ARID1B: variants seen among roughly 807,000 people sequenced by gnomAD.
ARID1B encodes the protein AT-rich interactive domain-containing protein 1B.
In ARID1B, 30 loss-of-function variants were observed where a neutral mutation model predicts 212.3. The ratio of observed to expected loss-of-function variants is 0.14; its 90% CI spans 0.11 to 0.19. ARID1B has a LOEUF of 0.19. ARID1B is among the 10% of genes least tolerant of loss of function. ARID1B has a pLI of 1.00. For missense variants in ARID1B, 2,891 were observed against 3,204.0 expected, an observed-to-expected ratio of 0.90 and a Z score of 2.36; for synonymous variants, 1,402 against 1,301.7, an observed-to-expected ratio of 1.08 and a Z score of -1.66.
chr6:156,787,831 T>G (rs1424913946), intron 1 of ARID1B, among the ~76,000 whole-genome samples: 1 of 152,144 alleles, frequency 6.6e-6, no homozygotes, highest in African/African-American at 2.4e-5. Context: ...GGTAAGATCA[T>G]GGGCTTGGAG....
intron 4 of ARID1B, among the ~76,000 whole-genome samples, chr6:157,037,843 A>G (rs879021697): frequency 2.6e-5 from 4 of 152,170 alleles, no homozygotes; most frequent in African/African-American, 9.7e-5. Flanking sequence ...AGGACTGGCA[A>G]CCGCAGTGTG....
At chr6:156,910,491 C>T (rs1789783079) in intron 3 of ARID1B, among the ~76,000 whole-genome samples, 1 of 152,050 alleles carries the variant, frequency 6.6e-6, no homozygotes, top group Admixed American at 6.5e-5. Flanking sequence ...TTTCCCTGTT[C>T]TCGAATAGTT....
chr6:156,932,128 T>A (rs1791777932), intron 3 of ARID1B, among the ~76,000 whole-genome samples: 1 of 106,348 alleles, frequency 9.4e-6, no homozygotes, highest in African/African-American at 4.5e-5. Context: ...AGACCTTGTT[T>A]CTTAAAAAAA....
chr6:156,976,088 TA>T (rs1056060884), intron 4 of ARID1B, among the ~76,000 whole-genome samples: 1 of 151,974 alleles, frequency 6.6e-6, no homozygotes, highest in African/African-American at 2.4e-5. Context: ...GGAGGGGGTG[TA>T]TTGTCACAAA....
At chr6:157,039,341 T>TTTTTTTTA (rs1440507613) in intron 4 of ARID1B, among the ~76,000 whole-genome samples, 1 of 138,060 alleles carries the variant, frequency 7.2e-6, no homozygotes, top group Non-Finnish European at 1.6e-5. Flanking sequence ...TTTTTTTTTT[T>TTTTTTTTA]GAGACGGAGT....
chr6:156,885,374 C>T (rs1012932520), intron 2 of ARID1B, among the ~76,000 whole-genome samples: 1 of 152,096 alleles, frequency 6.6e-6, no homozygotes, highest in Non-Finnish European at 1.5e-5. Context: ...TATTGAGTTT[C>T]AAAATGTATA....
intron 4 of ARID1B, among the ~76,000 whole-genome samples, chr6:156,971,709 G>T (rs183930119): frequency 2.0e-5 from 3 of 152,226 alleles, no homozygotes; most frequent in African/African-American, 7.2e-5. Flanking sequence ...GTGGTTGCTG[G>T]CATAATTCAT....
At chr6:156,840,262 T>G (rs1783802127) in intron 2 of ARID1B, among the ~76,000 whole-genome samples, 1 of 152,234 alleles carries the variant, frequency 6.6e-6, no homozygotes. Context: ...CTTGCAGGGC[T>G]TGCTATCTGA....
intron 7 of ARID1B, among the ~76,000 whole-genome samples, chr6:157,143,138 G>T (rs1789490249): frequency 6.6e-6 from 1 of 152,112 alleles, no homozygotes; most frequent in South Asian, 2.1e-4. Flanking sequence ...TTCATTTGGT[G>T]ACCAATTTTC....
intron 1 of ARID1B, among the ~76,000 whole-genome samples, chr6:156,809,404 T>C (rs1189130444): frequency 2.0e-5 from 3 of 152,226 alleles, no homozygotes; most frequent in Admixed American, 2.0e-4. Flanking sequence ...TGTAAAATTC[T>C]CGCCTATTTG....
intron 1 of ARID1B, among the ~76,000 whole-genome samples, chr6:156,791,404 A>G (rs751088309): frequency 6.6e-6 from 1 of 152,228 alleles, no homozygotes; most frequent in African/African-American, 2.4e-5. Context: ...TGCCAGAGCT[A>G]TCTATTGCTT....
intron 2 of ARID1B, among the ~76,000 whole-genome samples, chr6:156,881,834 C>T (rs1787125002): frequency 6.6e-6 from 1 of 152,176 alleles, no homozygotes; most frequent in Non-Finnish European, 1.5e-5. Flanking sequence ...GTGTTCTTGA[C>T]TAATGTGAGG....
intron 4 of ARID1B, among the ~76,000 whole-genome samples, chr6:157,051,271 G>C (rs547425759): frequency 6.6e-6 from 1 of 152,312 alleles, no homozygotes; most frequent in African/African-American, 2.4e-5. Context: ...GGATGAATTA[G>C]AAATGAGTTT....
At chr6:157,126,274 CA>C (rs1314551167) in intron 6 of ARID1B, among the ~76,000 whole-genome samples, 1 of 152,134 alleles carries the variant, frequency 6.6e-6, no homozygotes, top group South Asian at 2.1e-4. Context: ...TAAGCCAGAG[CA>C]AGATGTGCGT....
At chr6:156,795,114 A>ACCT (rs1173139508) in intron 1 of ARID1B, among the ~76,000 whole-genome samples, 6 of 152,236 alleles carry the variant, frequency 3.9e-5, no homozygotes, top group Admixed American at 2.6e-4. Flanking sequence ...GGTGGCCGTG[A>ACCT]ACTAGTCAGC....
At chr6:156,962,578 G>A (rs1794462070) in intron 4 of ARID1B, among the ~76,000 whole-genome samples, 2 of 151,974 alleles carry the variant, frequency 1.3e-5, no homozygotes, top group African/African-American at 4.8e-5. Context: ...CGCTTCCCGG[G>A]CTAAAGCGAT....
intron 2 of ARID1B, among the ~76,000 whole-genome samples, chr6:156,856,337 A>G (rs902647966): frequency 1.3e-5 from 2 of 152,222 alleles, no homozygotes; most frequent in African/African-American, 2.4e-5. Flanking sequence ...TGATAACAAC[A>G]TAAACACTTA....
intron 13 of ARID1B, chr6:157,185,179 C>T (rs979539781): frequency 2.0e-5 from 3 of 152,348 alleles, no homozygotes; most frequent in African/African-American, 7.2e-5. Context: ...TTCGTTCTAC[C>T]GTTTGGCTTT....
intron 5 of ARID1B, among the ~76,000 whole-genome samples, chr6:157,100,489 AT>A (rs1294615662): frequency 7.2e-5 from 11 of 152,178 alleles, no homozygotes; most frequent in African/African-American, 2.4e-4. Flanking sequence ...AATAAGTGGG[AT>A]TTTTTTCCGT....
Sources: gnomAD v4.1 joint callset for allele counts (sites outside exome capture counted in the v4.1 genomes callset) on GRCh38, gnomAD v4.1.1 for gene constraint, MANE v1.5 for transcripts, NCBI Gene and HGNC (gene_info 2026-07-23, HGNC 2026-07-21) for gene names.